The following SIMC1 variants were observed in gnomAD, a reference collection of about 807,000 sequenced individuals.
SIMC1 encodes the protein SUMO-interacting motif-containing protein 1.
A neutral mutation model predicts 82.3 loss-of-function variants in SIMC1; 55 were observed. The observed-to-expected ratio is 0.67, with a 90% CI of 0.54 to 0.84. The LOEUF (loss-of-function observed/expected upper bound fraction) is 0.84. SIMC1 is among the 40% of genes least tolerant of loss of function. The probability of loss-of-function intolerance (pLI) is 0.00; values close to 1 mark genes in which losing one functional copy is unlikely to be tolerated. For synonymous variants in SIMC1, 353 were observed against 426.3 expected, an observed-to-expected ratio of 0.83 and a Z score of 2.12; for missense variants, 915 against 1,107.2, an observed-to-expected ratio of 0.83 and a Z score of 2.46.
At chr5:176,332,014 G>A (rs1010169480) in intron 7 of SIMC1, among the ~76,000 whole-genome samples, 1 of 151,712 alleles carries the variant, frequency 6.6e-6, no homozygotes, top group African/African-American at 2.4e-5. Context: ...TTGCAATTCA[G>A]TATGTCTGAA....
At chr5:176,325,633 C>T (rs1366452270) in intron 7 of SIMC1, among the ~76,000 whole-genome samples, 1 of 152,152 alleles carries the variant, frequency 6.6e-6, no homozygotes, top group African/African-American at 2.4e-5. Flanking sequence ...TTGCAGTGAG[C>T]TGAGATGGCG....
At chr5:176,277,777 C>A (rs997172650) in intron 1 of SIMC1, among the ~76,000 whole-genome samples, 5 of 151,782 alleles carry the variant, frequency 3.3e-5, no homozygotes, top group Non-Finnish European at 7.4e-5. Context: ...GGTGTTATTT[C>A]TGAGGGCTCT....
At chr5:176,280,556 T>C (rs1385975745) in intron 1 of SIMC1, among the ~76,000 whole-genome samples, 1 of 152,220 alleles carries the variant, frequency 6.6e-6, no homozygotes, top group African/African-American at 2.4e-5. Flanking sequence ...TTTGGCATGA[T>C]TTTGGAGCGG....
intron 1 of SIMC1, among the ~76,000 whole-genome samples, chr5:176,243,117 G>GA (rs1761324655): frequency 6.6e-6 from 1 of 152,098 alleles, no homozygotes; most frequent in African/African-American, 2.4e-5. Context: ...ACTGTGGAAA[G>GA]ATAGGCAGTA....
At chr5:176,285,896 G>T (rs1763254109) in intron 1 of SIMC1, among the ~76,000 whole-genome samples, 1 of 152,182 alleles carries the variant, frequency 6.6e-6, no homozygotes, top group Admixed American at 6.5e-5. Context: ...TTGCTTCAAA[G>T]AGAATAAAAT....
Position 176,324,695 on chromosome 5 carries a change from C to T in SIMC1, c.2109C>T (p.Ser703=), listed in dbSNP as rs1481697880. 1 of 1,605,778 alleles carries T rather than the reference C, an allele frequency of 6.2e-7. No individual in the cohort carries two copies. The highest frequency in any genetic ancestry group is 1.7e-5 in the Admixed American group (1 of 58,704). Residue 703 remains serine (S), a synonymous_variant, in exon 7 of 10, where the codon AGC becomes AGT. Transcript: ENST00000429602. ...AVEVDRTPTC[S]SNKIAEMMFG... ...AGGTGGACAGGACCCCCACCTGCAG[C>T]TCCAATAAAATTGCCGAGATGATGT...
At chr5:176,279,606 C>T (rs963333757) in intron 1 of SIMC1, among the ~76,000 whole-genome samples, 2 of 150,046 alleles carry the variant, frequency 1.3e-5, no homozygotes, top group Non-Finnish European at 3.0e-5. Context: ...CTCTTGTGGG[C>T]ATTTAGTGCT....
rs546484622 is a variant in SIMC1 at position 176,274,045 on chromosome 5, G to C, written c.130-15609G>C. ...AGTAATGGGATGGCTGGGTCAAATG[G>C]TATTTCTAGTTCTAGATCCCTGAGG... On this transcript the variant is annotated intron_variant, in intron 1 of 9. Coordinates refer to ENST00000429602, the MANE Select transcript of SIMC1 (RefSeq NM_001308195.2). Among the ~76,000 whole-genome samples the C allele has an allele frequency of 2.1e-3, 307 of 148,712 alleles. 1 individual carries two copies. The highest frequency in any genetic ancestry group is 7.2e-3 in the African/African-American group (292 of 40,612).
chr5:176,290,964 A>T lies in SIMC1; in HGVS notation c.1431+9A>T. 1.3e-6 allele frequency: 2 copies of T among 1,547,344 alleles called. No homozygotes were observed. Among genetic ancestry groups the T allele is most frequent in the Non-Finnish European group, 1.7e-6 (2 of 1,145,556 alleles). On this transcript the variant is annotated intron_variant, in intron 2 of 9. Coordinates refer to ENST00000429602, the MANE Select transcript of SIMC1 (RefSeq NM_001308195.2). Reference sequence around the variant, plus strand: ...ATAAAGACACAAGAGAGGTGAGCTAACATCTTCCCTCAGGGATTAGGTGTC... The same window carrying T: ...ATAAAGACACAAGAGAGGTGAGCTATCATCTTCCCTCAGGGATTAGGTGTC...
In SIMC1 at chr5:176,342,708, C is replaced by T. The variant is rs562702069; in HGVS notation, c.2414-2475C>T. Among the ~76,000 whole-genome samples the T allele has an allele frequency of 5.9e-5, 9 of 152,346 alleles. No homozygotes were observed. In the South Asian group the frequency reaches 1.7e-3, roughly 28 times the overall value. ...CCCTTTGACCTTTGCATGGTTGCCT[C>T]CTCATCCGTCAATACTCAGCTCACA... On this transcript the variant is annotated intron_variant, in intron 9 of 9. Coordinates refer to ENST00000429602, the MANE Select transcript of SIMC1 (RefSeq NM_001308195.2).
At position 176,336,095 on chromosome 5, in the gene SIMC1, GGA is replaced by G. The variant is rs368859567; in HGVS notation, c.2172-604_2172-603del. On this transcript the variant is annotated intron_variant, in intron 7 of 9. Coordinates refer to ENST00000429602, the MANE Select transcript of SIMC1 (RefSeq NM_001308195.2). Reference sequence around the variant, plus strand: ...GGGAGAGGGAGGGAGGCAGGGAGGGGGAGAGAGAGAGAGAGAGAGAGATTAGA... The same window carrying G: ...GGGAGAGGGAGGGAGGCAGGGAGGGGGAGAGAGAGAGAGAGAGAGATTAGA... Among the ~76,000 whole-genome samples the G allele has an allele frequency of 6.9e-3, 1,007 of 146,630 alleles. 16 individuals carry two copies. The highest frequency in any genetic ancestry group is 0.022 in the African/African-American group (884 of 39,930).
At chr5:176,253,386 G>A (rs75753052) in intron 1 of SIMC1, among the ~76,000 whole-genome samples, 17,780 of 151,954 alleles carry the variant, frequency 0.12, 1,106 homozygotes, top group Admixed American at 0.15. Context: ...GAATTTTTTT[G>A]TATTTTTAGT....
intron 6 of SIMC1, among the ~76,000 whole-genome samples, chr5:176,323,340 A>G (rs527570119): frequency 2.0e-5 from 3 of 152,328 alleles, no homozygotes; most frequent in East Asian, 3.9e-4. Context: ...CTAGTATCAT[A>G]TAACAATCAT....
intron 1 of SIMC1, among the ~76,000 whole-genome samples, chr5:176,245,692 TCAGG>T (rs1012572816): frequency 1.4e-4 from 22 of 152,184 alleles, no homozygotes; most frequent in African/African-American, 5.3e-4. Context: ...TGATATTTAT[TCAGG>T]AATGGCATTG....
chr5:176,308,903 G>T (rs773948424), intron 4 of SIMC1: 1 of 1,311,018 alleles, frequency 7.6e-7, no homozygotes, highest in African/African-American at 1.4e-5. Flanking sequence ...AGCAGTCAGC[G>T]GGCCTCTTCT....
chr5:176,270,808 A>G (rs1247585968), intron 1 of SIMC1, among the ~76,000 whole-genome samples: 2 of 152,242 alleles, frequency 1.3e-5, no homozygotes, highest in African/African-American at 4.8e-5. Flanking sequence ...CAAATCGTCC[A>G]TCCTAGCAGT....
At chr5:176,273,084 T>C (rs1002200276) in intron 1 of SIMC1, among the ~76,000 whole-genome samples, 6 of 152,208 alleles carry the variant, frequency 3.9e-5, no homozygotes, top group African/African-American at 1.4e-4. Context: ...AAGAGAGTAG[T>C]GGTTCTCCCA....
At chr5:176,249,955 T>G (rs1314671809) in intron 1 of SIMC1, among the ~76,000 whole-genome samples, 1 of 152,100 alleles carries the variant, frequency 6.6e-6, no homozygotes, top group African/African-American at 2.4e-5. Context: ...TCTTGCCTTC[T>G]GCTAGCTTTT....
At chr5:176,303,176 G>A (rs1417296932) in intron 4 of SIMC1, among the ~76,000 whole-genome samples, 1 of 151,140 alleles carries the variant, frequency 6.6e-6, no homozygotes. Flanking sequence ...GCTGAGTCCA[G>A]AGAATTGCTT....
Sources: gnomAD v4.1 joint callset for allele counts (sites outside exome capture counted in the v4.1 genomes callset) on GRCh38, gnomAD v4.1.1 for gene constraint, MANE v1.5 for transcripts, NCBI Gene and HGNC (gene_info 2026-07-23, HGNC 2026-07-21) for gene names.